Variants in CAST observed in about 807,000 individuals in gnomAD.
The protein encoded by CAST is calpastatin.
CAST carries 76 observed loss-of-function variants against 119.6 expected under a neutral mutation model. The ratio of observed to expected loss-of-function variants is 0.64; its 90% CI spans 0.53 to 0.77. The LOEUF is 0.77. Among genes scored for constraint, CAST ranks in the 30% least tolerant of loss-of-function variants. The probability of loss-of-function intolerance (pLI) is 0.00; values close to 1 mark genes in which losing one functional copy is unlikely to be tolerated. For synonymous variants in CAST, 319 were observed against 331.6 expected (o/e 0.96, Z 0.41); for missense variants, 953 against 946.5 (o/e 1.01, Z -0.09).
At chr5:96,604,581 G>A (rs138156558) in intron 1 of CAST, among the ~76,000 whole-genome samples, 280 of 152,304 alleles carry the variant, frequency 1.8e-3, no homozygotes, top group African/African-American at 6.7e-3. Context: ...GTAATTCCAG[G>A]TACGGGGATA....
chr5:96,453,872 A>G, the CAST span, among the ~76,000 whole-genome samples: 21 of 152,018 alleles, frequency 1.4e-4, no homozygotes, highest in African/African-American at 4.8e-4. Context: ...GTTACTCCAT[A>G]TTAAAGCTCT....
chr5:96,134,864 A>T, the CAST span, among the ~76,000 whole-genome samples: 1 of 152,220 alleles, frequency 6.6e-6, no homozygotes, highest in Non-Finnish European at 1.5e-5. Flanking sequence ...AAGTGCTATG[A>T]AGGAAATAAA....
intron 1 of CAST, among the ~76,000 whole-genome samples, chr5:96,547,450 GAA>G (rs1746038855): frequency 1.3e-5 from 2 of 152,202 alleles, no homozygotes; most frequent in Non-Finnish European, 2.9e-5. Flanking sequence ...CTCAAGGAGA[GAA>G]AGAATTCACC....
the CAST span, among the ~76,000 whole-genome samples, chr5:96,060,052 A>C: frequency 6.6e-6 from 1 of 152,176 alleles, no homozygotes; most frequent in Admixed American, 6.5e-5. Flanking sequence ...CAGCTGTGTC[A>C]GATGTGGTAT....
the CAST span, among the ~76,000 whole-genome samples, chr5:96,176,037 T>C: frequency 1.3e-5 from 2 of 152,218 alleles, no homozygotes; most frequent in African/African-American, 4.8e-5. Context: ...TAAGGGCTCG[T>C]CTAGCTCTAT....
the CAST span, among the ~76,000 whole-genome samples, chr5:96,243,533 T>G: frequency 2.0e-5 from 3 of 152,190 alleles, no homozygotes; most frequent in Non-Finnish European, 4.4e-5. Context: ...ACATATTTAC[T>G]TTAAGTACTG....
the CAST span, among the ~76,000 whole-genome samples, chr5:96,242,731 G>T: frequency 6.6e-6 from 1 of 152,166 alleles, no homozygotes; most frequent in Non-Finnish European, 1.5e-5. Context: ...CGACATTTCA[G>T]TGGAAATCTG....
chr5:96,178,482 T>C, the CAST span, among the ~76,000 whole-genome samples: 2 of 152,146 alleles, frequency 1.3e-5, no homozygotes, highest in African/African-American at 4.8e-5. Flanking sequence ...CCTGAAACAA[T>C]GGTGCCTTTG....
chr5:96,620,494 A>G (rs1747583100), intron 1 of CAST, among the ~76,000 whole-genome samples: 1 of 152,138 alleles, frequency 6.6e-6, no homozygotes, highest in Non-Finnish European at 1.5e-5. Context: ...TCATGAGGGT[A>G]AATAACCAGT....
intron 1 of CAST, among the ~76,000 whole-genome samples, chr5:96,563,079 A>G (rs147281463): frequency 6.6e-4 from 101 of 152,308 alleles, no homozygotes; most frequent in African/African-American, 2.2e-3. Flanking sequence ...CTGAAGACAC[A>G]GATATGGCAA....
the CAST span, among the ~76,000 whole-genome samples, chr5:96,244,275 A>G: frequency 2.6e-5 from 4 of 152,358 alleles, no homozygotes; most frequent in South Asian, 4.1e-4. Flanking sequence ...TAAAGAGAAG[A>G]TTTCAGGAAA....
chr5:96,770,657 G>C, intron 30 of CAST, 55 bp downstream of exon 30: 1 of 1,187,684 alleles, frequency 8.4e-7, no homozygotes, highest in Non-Finnish European at 1.3e-6. Flanking sequence ...ACAGAGTAGG[G>C]TTTATCATTT....
intron 5 of CAST, 74 bp downstream of exon 5, chr5:96,726,933 CT>C (rs1281744025): frequency 1.0e-6 from 1 of 1,002,870 alleles, no homozygotes; most frequent in African/African-American, 1.6e-5. Context: ...GTGCTAATAA[CT>C]GCAATTCACA....
chr5:96,090,359 T>C, the CAST span, among the ~76,000 whole-genome samples: 1 of 152,104 alleles, frequency 6.6e-6, no homozygotes, highest in Non-Finnish European at 1.5e-5. Context: ...TCTACCAGTG[T>C]TGTAATTTAA....
the CAST span, among the ~76,000 whole-genome samples, chr5:95,978,459 A>G: frequency 1.3e-5 from 2 of 151,952 alleles, no homozygotes; most frequent in Admixed American, 6.6e-5. Flanking sequence ...TTTGAAAAGT[A>G]TCTGTTCATT....
At chr5:96,250,196 T>C in the CAST span, among the ~76,000 whole-genome samples, 3 of 152,156 alleles carry the variant, frequency 2.0e-5, no homozygotes, top group African/African-American at 4.8e-5. Flanking sequence ...CAGTTAGAAA[T>C]TTTATTTAGT....
rs745907302 is a variant in CAST, at chr5:96,665,743, TAC to T, written c.75+3262_75+3263del. Among the ~76,000 whole-genome samples, 214 of 129,970 alleles carry T rather than the reference TAC, an allele frequency of 1.6e-3. 1 individual carries two copies. The Middle Eastern group carries it at 0.031, about 19-fold the overall frequency. 85.3% of individuals were successfully genotyped at this position (129,970 alleles called of 152,430 possible). A position where few individuals can be genotyped will look rare whatever the true frequency, so the allele number is the denominator to read the frequency against. The stretch of plus-strand genomic sequence containing the variant: ...AGTTTATAACACACACACACACACA[TAC>T]ACACACACACACACATATACATACA... On this transcript the variant is annotated intron_variant, in intron 1 of 31. Coordinates refer to ENST00000675179, the MANE Select transcript of CAST (RefSeq NM_001750.7).
intron 26 of CAST, among the ~76,000 whole-genome samples, chr5:96,765,569 G>C (rs776126811): frequency 2.0e-5 from 3 of 152,058 alleles, no homozygotes; most frequent in Non-Finnish European, 4.4e-5. Context: ...GGTATGCATG[G>C]CTTCCTCCCA....
At chr5:96,548,872 C>G (rs946396813) in intron 1 of CAST, among the ~76,000 whole-genome samples, 17 of 152,028 alleles carry the variant, frequency 1.1e-4, no homozygotes, top group Non-Finnish European at 2.2e-4. Flanking sequence ...CCTGAGTTTT[C>G]CCCAGACCAG....
Sources: gnomAD v4.1 joint callset for allele counts (sites outside exome capture counted in the v4.1 genomes callset) on GRCh38, gnomAD v4.1.1 for gene constraint, MANE v1.5 for transcripts, NCBI Gene and HGNC (gene_info 2026-07-23, HGNC 2026-07-21) for gene names.